The following AGBL3 variants were observed in gnomAD, a reference collection of about 807,000 sequenced individuals.
AGBL3 encodes cytosolic carboxypeptidase 3.
Under a neutral mutation model 94.5 loss-of-function variants are expected in AGBL3, and 68 were observed. The observed-to-expected ratio is 0.72, with a 90% CI of 0.59 to 0.88. AGBL3 has a LOEUF of 0.88. Among genes scored for constraint, AGBL3 ranks in the 40% least tolerant of loss-of-function variants. The probability of loss-of-function intolerance (pLI) is 0.00; values close to 1 mark genes in which losing one functional copy is unlikely to be tolerated. For missense variants in AGBL3, 934 were observed against 1,103.8 expected, an observed-to-expected ratio of 0.85 and a Z score of 2.18; for synonymous variants, 354 against 370.7, an observed-to-expected ratio of 0.95 and a Z score of 0.52.
At chr7:135,116,969 A>ACC (rs1163871897) in intron 16 of AGBL3, among the ~76,000 whole-genome samples, 1 of 152,142 alleles carries the variant, frequency 6.6e-6, no homozygotes, top group African/African-American at 2.4e-5. Context: ...CAAAAAGAAA[A>ACC]CCCAGGAGAC....
chr7:135,130,187 C>A (rs1562906886), intron 16 of AGBL3, among the ~76,000 whole-genome samples: 1 of 152,170 alleles, frequency 6.6e-6, no homozygotes, highest in Non-Finnish European at 1.5e-5. Context: ...TCTTACCAAC[C>A]TAAATTTCTG....
chr7:135,096,898 G>T (rs1436640594), intron 15 of AGBL3, among the ~76,000 whole-genome samples: 1 of 152,144 alleles, frequency 6.6e-6, no homozygotes. Context: ...AAAATATGCA[G>T]AAAAGAATTT....
At chr7:135,012,072 A>T (rs1813226572) in intron 4 of AGBL3, 1 of 152,198 alleles carries the variant, frequency 6.6e-6, no homozygotes, top group African/African-American at 2.4e-5. Context: ...ATTATATATC[A>T]ATGAAATAAG....
chr7:135,132,786 C>A (rs914606848), intron 16 of AGBL3, among the ~76,000 whole-genome samples: 3 of 152,084 alleles, frequency 2.0e-5, no homozygotes, highest in Non-Finnish European at 4.4e-5. Context: ...GCCAAGATTG[C>A]GAGGCCTCCC....
intron 4 of AGBL3, among the ~76,000 whole-genome samples, chr7:135,002,735 C>CCCATACTCTCATCAATACTGTTA (rs1035385987): frequency 2.0e-5 from 3 of 152,140 alleles, no homozygotes; most frequent in African/African-American, 4.8e-5. Context: ...TACCTATTTT[C>CCCATACTCTCATCAATACTGTTA]CCATACTCTC....
chr7:135,016,419 T>C (rs535026082), intron 4 of AGBL3, among the ~76,000 whole-genome samples: 2 of 152,132 alleles, frequency 1.3e-5, no homozygotes, highest in East Asian at 3.9e-4. Context: ...TTGTTTGTCA[T>C]CAAATTCTTC....
At chr7:134,997,167 C>A (rs1275372615) in intron 4 of AGBL3, among the ~76,000 whole-genome samples, 5 of 152,168 alleles carry the variant, frequency 3.3e-5, no homozygotes, top group Non-Finnish European at 7.3e-5. Context: ...CAACCTAGAT[C>A]CCTTGCATGC....
chr7:135,069,717 CA>C (rs1402089829), intron 12 of AGBL3, among the ~76,000 whole-genome samples: 1 of 151,982 alleles, frequency 6.6e-6, no homozygotes, highest in African/African-American at 2.4e-5. Flanking sequence ...GGGACATATT[CA>C]AAGCAGTGTG....
chr7:134,988,210 G>T, intron 2 of AGBL3: 1 of 365,416 alleles, frequency 2.7e-6, no homozygotes, highest in Admixed American at 4.6e-5. Context: ...TATTTTTTTT[G>T]AGAAAATATT....
At chr7:135,001,984 A>C (rs1042233467) in intron 4 of AGBL3, among the ~76,000 whole-genome samples, 2 of 152,168 alleles carry the variant, frequency 1.3e-5, no homozygotes, top group African/African-American at 2.4e-5. Flanking sequence ...CACAGCTGCT[A>C]CTTCACACCA....
intron 11 of AGBL3, among the ~76,000 whole-genome samples, chr7:135,050,669 C>A (rs1339983458): frequency 6.6e-6 from 1 of 151,886 alleles, no homozygotes; most frequent in Non-Finnish European, 1.5e-5. Context: ...TAATATCTTT[C>A]TTTGTCTCTC....
chr7:135,015,216 C>T (rs115579190), intron 4 of AGBL3, among the ~76,000 whole-genome samples: 64 of 152,296 alleles, frequency 4.2e-4, no homozygotes, highest in African/African-American at 1.5e-3. Context: ...TGCTTAATTT[C>T]AAGCCAAAAT....
intron 4 of AGBL3, among the ~76,000 whole-genome samples, chr7:135,004,237 T>C (rs1277204468): frequency 2.0e-5 from 3 of 151,832 alleles, no homozygotes; most frequent in Non-Finnish European, 4.4e-5. Flanking sequence ...TGGTGAGTTA[T>C]ATTAGTTTTT....
rs144879049 is a variant in AGBL3, at chr7:135,086,701, T to C, written c.2110+4911T>C. 1.8e-3 allele frequency among the ~76,000 whole-genome samples: 270 copies of C among 152,148 alleles called. 2 individuals carry two copies. Among genetic ancestry groups the C allele is most frequent in the African/African-American group, 6.1e-3 (254 of 41,564 alleles). On this transcript the variant is annotated intron_variant, in intron 15 of 16. Transcript: ENST00000436302. ...ATGAATCCCACTTGATCATGGTGAA[T>C]AATTTTTTTCAATGTGCTGCTGGGT...
intron 7 of AGBL3, among the ~76,000 whole-genome samples, 164 bp from the exon 8 acceptor site, chr7:135,037,254 G>A (rs1321703309): frequency 6.6e-6 from 1 of 152,036 alleles, no homozygotes; most frequent in Non-Finnish European, 1.5e-5. Flanking sequence ...ATAAATTATT[G>A]TAGATTTAAA....
chr7:135,008,740 ATC>A (rs1161303625), intron 4 of AGBL3, among the ~76,000 whole-genome samples: 2 of 152,192 alleles, frequency 1.3e-5, no homozygotes, highest in Non-Finnish European at 2.9e-5. Flanking sequence ...AAAATTATTT[ATC>A]TGACAAAGGA....
intron 16 of AGBL3, among the ~76,000 whole-genome samples, chr7:135,119,340 G>A (rs867453290): frequency 1.3e-5 from 2 of 151,524 alleles, no homozygotes; most frequent in Non-Finnish European, 2.9e-5. Flanking sequence ...AGTGATTCTC[G>A]TGCCTCAGCC....
intron 10 of AGBL3, 95 bp downstream of exon 10, chr7:135,045,669 C>T: frequency 5.9e-6 from 8 of 1,352,696 alleles, no homozygotes; most frequent in African/African-American, 4.4e-5. Context: ...TTTAATGTCC[C>T]AACAGTGTTG....
chr7:135,089,978 T>A (rs1339097461), intron 15 of AGBL3, among the ~76,000 whole-genome samples: 2 of 152,192 alleles, frequency 1.3e-5, no homozygotes, highest in African/African-American at 4.8e-5. Context: ...TCTGTGAATC[T>A]GAGGCATCCC....
Sources: allele counts gnomAD v4.1 joint callset (sites outside exome capture counted in the v4.1 genomes callset), GRCh38; gene constraint gnomAD v4.1.1; transcripts MANE v1.5; gene names NCBI Gene and HGNC (gene_info 2026-07-23, HGNC 2026-07-21).